The following TSGA10 variants were observed in gnomAD, a reference collection of about 807,000 sequenced individuals.
TSGA10 encodes the protein testis specific 10.
TSGA10 carries 43 observed loss-of-function variants against 96.6 expected under a neutral mutation model. That is an observed-to-expected ratio of 0.44 (90% confidence interval 0.35 to 0.57). The LOEUF (loss-of-function observed/expected upper bound fraction) is 0.57. Ranked by LOEUF, TSGA10 falls within the 20% of genes least tolerant of loss-of-function variation. The pLI is 0.01. For missense variants in TSGA10, 703 were observed against 834.4 expected (o/e 0.84, Z 1.94); for synonymous variants, 229 against 269.9 (o/e 0.85, Z 1.48).
At chr2:99,128,893 A>C in intron 1 of TSGA10, among the ~76,000 whole-genome samples, 1 of 152,150 alleles carries the variant, frequency 6.6e-6, no homozygotes. Flanking sequence ...GAACACAGGC[A>C]TGTGCCACCA....
chr2:99,058,158 G>A (rs1573932169), intron 16 of TSGA10, among the ~76,000 whole-genome samples: 1 of 152,200 alleles, frequency 6.6e-6, no homozygotes, highest in East Asian at 1.9e-4. Context: ...AAAGGGTACA[G>A]TGATTCTTTT....
chr2:99,007,231 T>C (rs528063178), intron 20 of TSGA10, among the ~76,000 whole-genome samples: 3 of 152,276 alleles, frequency 2.0e-5, no homozygotes, highest in African/African-American at 4.8e-5. Flanking sequence ...ACATGGCACA[T>C]GTATACATAT....
chr2:99,150,282 A>T (rs2093679698), intron 1 of TSGA10, among the ~76,000 whole-genome samples: 1 of 152,350 alleles, frequency 6.6e-6, no homozygotes, highest in East Asian at 1.9e-4. Context: ...ACAATCAGAT[A>T]AATTTCCTTT....
chr2:99,088,084 A>G (rs720228), intron 10 of TSGA10, among the ~76,000 whole-genome samples: 88,489 of 152,072 alleles, frequency 0.58, 26,625 homozygotes, highest in East Asian at 0.88. Flanking sequence ...GGGAGAAAGA[A>G]CTAGATAAAA....
intron 10 of TSGA10, among the ~76,000 whole-genome samples, chr2:99,098,181 T>TA (rs1471111089): frequency 1.3e-5 from 2 of 152,068 alleles, no homozygotes; most frequent in Non-Finnish European, 2.9e-5. Context: ...CTCACACCTG[T>TA]AATCCCAGGA....
intron 17 of TSGA10, among the ~76,000 whole-genome samples, chr2:99,020,995 CTT>C (rs2079957973): frequency 6.7e-6 from 1 of 150,082 alleles, no homozygotes; most frequent in Admixed American, 6.6e-5. Context: ...GGAGTAATCT[CTT>C]ATATTCTCTT....
intron 1 of TSGA10, among the ~76,000 whole-genome samples, chr2:99,127,398 T>C (rs990250718): frequency 8.5e-5 from 13 of 152,226 alleles, no homozygotes; most frequent in Non-Finnish European, 1.8e-4. Context: ...AGACATTCCC[T>C]ACACTATCCT....
At chr2:99,097,129 T>G (rs1374413616) in intron 10 of TSGA10, among the ~76,000 whole-genome samples, 1 of 152,160 alleles carries the variant, frequency 6.6e-6, no homozygotes, top group African/African-American at 2.4e-5. Flanking sequence ...GCTCTGTATC[T>G]TTTTTAAAGT....
chr2:99,050,980 C>T (rs1333504672), intron 16 of TSGA10, among the ~76,000 whole-genome samples: 2 of 152,100 alleles, frequency 1.3e-5, no homozygotes, highest in East Asian at 1.9e-4. Context: ...CAGTAACATG[C>T]TGTACAGGTT....
intron 17 of TSGA10, among the ~76,000 whole-genome samples, chr2:99,026,473 G>A (rs1013274909): frequency 7.2e-5 from 11 of 151,780 alleles, no homozygotes; most frequent in Admixed American, 2.0e-4. Context: ...AGGCTGGAGT[G>A]CAGTGGCATG....
chr2:99,057,644 T>C (rs2084160795), intron 16 of TSGA10, among the ~76,000 whole-genome samples: 1 of 152,110 alleles, frequency 6.6e-6, no homozygotes, highest in African/African-American at 2.4e-5. Context: ...ATCAGAAAAC[T>C]TAATATTGTT....
At chr2:99,059,287 T>C (rs1345086697) in intron 16 of TSGA10, among the ~76,000 whole-genome samples, 1 of 151,622 alleles carries the variant, frequency 6.6e-6, no homozygotes, top group Non-Finnish European at 1.5e-5. Flanking sequence ...ACCATCTCAA[T>C]AGCTGCAGAA....
intron 1 of TSGA10, among the ~76,000 whole-genome samples, chr2:99,131,385 A>G (rs2093075529): frequency 6.6e-6 from 1 of 152,108 alleles, no homozygotes; most frequent in Admixed American, 6.6e-5. Context: ...TTTTTGTAGC[A>G]ATTGTGAATG....
chr2:99,047,032 G>GACA (rs2082851664), intron 16 of TSGA10, among the ~76,000 whole-genome samples: 7 of 152,136 alleles, frequency 4.6e-5, no homozygotes, highest in Non-Finnish European at 1.0e-4. Context: ...GGAAGAAGTT[G>GACA]AATCCCTGAA....
At chr2:99,111,526 CATT>C (rs2091815889) in intron 4 of TSGA10, among the ~76,000 whole-genome samples, 1 of 152,130 alleles carries the variant, frequency 6.6e-6, no homozygotes, top group Non-Finnish European at 1.5e-5. Flanking sequence ...ACCTTTCCCT[CATT>C]ATTCTAAACT....
chr2:99,015,125 C>A (rs1439891633), intron 20 of TSGA10, among the ~76,000 whole-genome samples: 1 of 152,144 alleles, frequency 6.6e-6, no homozygotes, highest in Admixed American at 6.5e-5. Context: ...ACGGAATCCT[C>A]CCTAAATCAT....
intron 4 of TSGA10, among the ~76,000 whole-genome samples, chr2:99,112,977 C>CA (rs1265193494): frequency 6.6e-6 from 1 of 151,034 alleles, no homozygotes; most frequent in Non-Finnish European, 1.5e-5. Context: ...TAAGGACTAT[C>CA]AGAGATCCAG....
chr2:99,016,223 T>A (rs1477744237), intron 20 of TSGA10, among the ~76,000 whole-genome samples: 1 of 152,142 alleles, frequency 6.6e-6, no homozygotes, highest in African/African-American at 2.4e-5. Flanking sequence ...TCTGGAGGCA[T>A]CACATTACCT....
chr2:99,045,400 A>G (rs1319143482), intron 16 of TSGA10, among the ~76,000 whole-genome samples: 1 of 152,230 alleles, frequency 6.6e-6, no homozygotes, highest in African/African-American at 2.4e-5. Context: ...CAGAAACTCT[A>G]CAAACCAGAA....
Sources: allele counts gnomAD v4.1 joint callset (sites outside exome capture counted in the v4.1 genomes callset), GRCh38; gene constraint gnomAD v4.1.1; transcripts MANE v1.5; gene names NCBI Gene and HGNC (gene_info 2026-07-23, HGNC 2026-07-21).